Variants in ESYT2 observed in about 807,000 individuals in gnomAD.
The protein encoded by ESYT2 is extended synaptotagmin 2.
Under a neutral mutation model 107.2 loss-of-function variants are expected in ESYT2, and 54 were observed. The observed-to-expected ratio is 0.50, with a 90% CI of 0.40 to 0.63. The LOEUF (loss-of-function observed/expected upper bound fraction) is 0.63, where lower values mean the gene tolerates loss of function less well. Among genes scored for constraint, ESYT2 ranks in the 30% least tolerant of loss-of-function variants. The probability of loss-of-function intolerance (pLI) is 0.00; values close to 1 mark genes in which losing one functional copy is unlikely to be tolerated. For missense variants in ESYT2, 1,020 were observed against 1,094.5 expected, an observed-to-expected ratio of 0.93 and a Z score of 0.96; for synonymous variants, 491 against 434.1, an observed-to-expected ratio of 1.13 and a Z score of -1.63.
At chr7:158,746,832 C>G (rs2709866) in intron 16 of ESYT2, among the ~76,000 whole-genome samples, 116,285 of 152,100 alleles carry the variant, frequency 0.76, 46,331 homozygotes, top group Non-Finnish European at 0.89. Context: ...GCCCAGGAGT[C>G]TGCGACCAGT....
chr7:158,792,775 T>G (rs557027545), intron 4 of ESYT2, among the ~76,000 whole-genome samples: 2,613 of 143,942 alleles, frequency 0.018, 40 homozygotes, highest in Non-Finnish European at 0.03. Flanking sequence ...TTTTTTTTTT[T>G]TTTTTTTTTT....
intron 13 of ESYT2, among the ~76,000 whole-genome samples, chr7:158,754,861 C>G (rs1317344062): frequency 1.3e-5 from 2 of 152,090 alleles, no homozygotes; most frequent in Admixed American, 1.3e-4. Context: ...ATTTCCTTAT[C>G]TGTAAAGTGA....
intron 1 of ESYT2, among the ~76,000 whole-genome samples, chr7:158,828,849 T>C (rs1479501455): frequency 2.2e-5 from 3 of 137,636 alleles, no homozygotes; most frequent in Non-Finnish European, 4.8e-5. Context: ...TGCACTCACC[T>C]AGGTTGGCAG....
intron 6 of ESYT2, among the ~76,000 whole-genome samples, chr7:158,780,674 C>T (rs1838745442): frequency 6.6e-6 from 1 of 152,230 alleles, no homozygotes; most frequent in African/African-American, 2.4e-5. Context: ...GACTGAGATA[C>T]ATTTAAGTGC....
At position 158,773,404 on chromosome 7, in the gene ESYT2, A is replaced by C. The variant is rs1409609920; in HGVS notation, c.748-8T>G. 2 of 1,613,974 alleles carry C rather than the reference A, an allele frequency of 1.2e-6. No individual in the cohort carries two copies. The highest frequency in any genetic ancestry group is 2.7e-5 in the African/African-American group (2 of 74,928). On this transcript the variant is annotated splice_region_variant and splice_polypyrimidine_tract_variant and intron_variant, in intron 6 of 22. Transcript: ENST00000275418. The stretch of plus-strand genomic sequence containing the variant: ...CCAGTTAATTTCTAAAAGCTGTTTT[A>C]AAACAAGGGCAAAATATTAAGTTCC...
intron 6 of ESYT2, among the ~76,000 whole-genome samples, chr7:158,779,529 C>T (rs991779347): frequency 6.6e-6 from 1 of 152,140 alleles, no homozygotes; most frequent in African/African-American, 2.4e-5. Flanking sequence ...TAAACTAAGA[C>T]CTAGAGGAAG....
At chr7:158,775,034 G>A (rs1288110558) in intron 6 of ESYT2, among the ~76,000 whole-genome samples, 1 of 152,152 alleles carries the variant, frequency 6.6e-6, no homozygotes, top group African/African-American at 2.4e-5. Context: ...ATACAGGCAT[G>A]CCTCGGAGAT....
chr7:158,814,838 C>G (rs1473666438), intron 1 of ESYT2, among the ~76,000 whole-genome samples: 1 of 152,200 alleles, frequency 6.6e-6, no homozygotes, highest in African/African-American at 2.4e-5. Context: ...GACCTTAGCT[C>G]CTCCTCTGAA....
intron 18 of ESYT2, among the ~76,000 whole-genome samples, chr7:158,741,031 T>C (rs1014167098): frequency 6.6e-5 from 10 of 152,132 alleles, no homozygotes; most frequent in African/African-American, 2.4e-4. Context: ...CACACACCTA[T>C]GAGTCATGGG....
At chr7:158,741,388 A>G in intron 18 of ESYT2, 135 bp downstream of exon 18, 1 of 1,305,918 alleles carries the variant, frequency 7.7e-7, no homozygotes, top group African/African-American at 1.5e-5. Context: ...AAGTGCTTTC[A>G]GTTAACCTAA....
chr7:158,759,515 A>G lies in ESYT2; in HGVS notation c.1390T>C (p.Leu464=). 6.2e-7 allele frequency: 1 copy of G among 1,611,618 alleles called. No homozygotes were observed. ...AGGTTCCTTGCTGAATCCAAGTACA[A>G]GATCAGCAATGCAGAGGAAAGACCA... ...NDGLSSALLI[L]YLDSARNLPS... Residue 464 remains leucine (L), a synonymous_variant, in exon 13 of 23, where the codon TTG becomes CTG. Coordinates refer to ENST00000275418, the MANE Select transcript of ESYT2 (RefSeq NM_001367773.1).
intron 6 of ESYT2, among the ~76,000 whole-genome samples, chr7:158,778,135 A>G (rs1450016681): frequency 6.6e-6 from 1 of 152,244 alleles, no homozygotes; most frequent in Non-Finnish European, 1.5e-5. Context: ...TCTTAATAGC[A>G]TTAAGGTAGA....
At chr7:158,815,685 C>G (rs1365247565) in intron 1 of ESYT2, among the ~76,000 whole-genome samples, 2 of 152,182 alleles carry the variant, frequency 1.3e-5, no homozygotes, top group Non-Finnish European at 2.9e-5. Context: ...CCTAACCCTT[C>G]TTCCCACTGC....
intron 2 of ESYT2, 73 bp downstream of exon 2, chr7:158,798,958 C>T: frequency 6.8e-7 from 1 of 1,481,280 alleles, no homozygotes; most frequent in Non-Finnish European, 9.3e-7. Flanking sequence ...CATGCAAATC[C>T]CCAAATATGG....
chr7:158,805,135 C>T (rs1839788166), intron 1 of ESYT2, among the ~76,000 whole-genome samples: 1 of 152,192 alleles, frequency 6.6e-6, no homozygotes, highest in African/African-American at 2.4e-5. Context: ...GGCTGCTGAA[C>T]TTAGCAGTAG....
At chr7:158,823,620 C>T (rs1049572998) in intron 1 of ESYT2, among the ~76,000 whole-genome samples, 5 of 152,174 alleles carry the variant, frequency 3.3e-5, no homozygotes, top group African/African-American at 9.6e-5. Context: ...GCCACCGCAC[C>T]CAGCCCTGAT....
chr7:158,747,987 A>T (rs746489615), intron 16 of ESYT2, among the ~76,000 whole-genome samples: 5 of 152,268 alleles, frequency 3.3e-5, no homozygotes, highest in Non-Finnish European at 5.9e-5. Flanking sequence ...AAATCCTGGA[A>T]AATGTGAACA....
chr7:158,743,462 C>T (rs1017467261), intron 17 of ESYT2, 67 bp downstream of exon 17: 11 of 1,558,268 alleles, frequency 7.1e-6, no homozygotes, highest in Non-Finnish European at 9.5e-6. Flanking sequence ...GCCCGGGGCC[C>T]ATGAGTATCC....
At chr7:158,806,551 G>C (rs1839838437) in intron 1 of ESYT2, among the ~76,000 whole-genome samples, 1 of 152,172 alleles carries the variant, frequency 6.6e-6, no homozygotes, top group Non-Finnish European at 1.5e-5. Flanking sequence ...CTACTCAGGA[G>C]AACAGGGTAT....
Sources: gnomAD v4.1 joint callset for allele counts (sites outside exome capture counted in the v4.1 genomes callset) on GRCh38, gnomAD v4.1.1 for gene constraint, MANE v1.5 for transcripts, NCBI Gene and HGNC (gene_info 2026-07-23, HGNC 2026-07-21) for gene names.